ARRB1: variants seen among roughly 807,000 people sequenced by gnomAD.
ARRB1 encodes arrestin beta 1, also known as beta-arrestin-1.
In ARRB1, 21 loss-of-function variants were observed where a neutral mutation model predicts 56.8. That is an observed-to-expected ratio of 0.37 (90% CI 0.26 to 0.53). The LOEUF is 0.53. ARRB1 is among the 20% of genes least tolerant of loss of function. The pLI is 0.88. For missense variants in ARRB1, 424 were observed against 553.7 expected, an observed-to-expected ratio of 0.77 and a Z score of 2.35; for synonymous variants, 210 against 218.6, an observed-to-expected ratio of 0.96 and a Z score of 0.35.
At chr11:75,277,911 G>T (rs1591904807) in intron 8 of ARRB1, among the ~76,000 whole-genome samples, 1 of 152,218 alleles carries the variant, frequency 6.6e-6, no homozygotes, top group Non-Finnish European at 1.5e-5. Context: ...AAGCCTCAGG[G>T]TCTCCCTCTG....
chr11:75,347,786 A>T (rs1019406832), intron 1 of ARRB1, among the ~76,000 whole-genome samples: 1 of 152,194 alleles, frequency 6.6e-6, no homozygotes, highest in Non-Finnish European at 1.5e-5. Context: ...ATTCATTGAG[A>T]TTATGCGTGT....
At chr11:75,322,056 A>G (rs1055367264) in intron 1 of ARRB1, among the ~76,000 whole-genome samples, 7 of 152,244 alleles carry the variant, frequency 4.6e-5, no homozygotes, top group African/African-American at 1.7e-4. Flanking sequence ...CTCTCACAAT[A>G]AATGCTATAA....
At chr11:75,277,937 G>A (rs1946236831) in intron 8 of ARRB1, among the ~76,000 whole-genome samples, 2 of 152,228 alleles carry the variant, frequency 1.3e-5, no homozygotes, top group Non-Finnish European at 2.9e-5. Flanking sequence ...CGAAGGGGTT[G>A]GACTAGGTGA....
At chr11:75,275,069 C>T (rs553054919) in intron 10 of ARRB1, 8 of 151,916 alleles carry the variant, frequency 5.3e-5, no homozygotes, top group Non-Finnish European at 1.2e-4. Flanking sequence ...CATACCACTG[C>T]ACTCCAGCCT....
At chr11:75,343,344 G>C (rs1947718370) in intron 1 of ARRB1, among the ~76,000 whole-genome samples, 1 of 152,152 alleles carries the variant, frequency 6.6e-6, no homozygotes, top group Non-Finnish European at 1.5e-5. Context: ...TCAGCAATCA[G>C]GTACTGAAAG....
chr11:75,343,761 GC>G (rs1275547709), intron 1 of ARRB1, among the ~76,000 whole-genome samples: 1 of 151,998 alleles, frequency 6.6e-6, no homozygotes, highest in African/African-American at 2.4e-5. Flanking sequence ...CCCAGAGGAG[GC>G]CCCAGAGCAG....
At chr11:75,322,499 C>T (rs1413647023) in intron 1 of ARRB1, among the ~76,000 whole-genome samples, 1 of 152,086 alleles carries the variant, frequency 6.6e-6, no homozygotes, top group Non-Finnish European at 1.5e-5. Flanking sequence ...GAGCAAGACT[C>T]CATCTCAAAA....
chr11:75,288,860 T>C (rs993535842), intron 2 of ARRB1, among the ~76,000 whole-genome samples: 3 of 152,182 alleles, frequency 2.0e-5, no homozygotes, highest in African/African-American at 7.2e-5. Flanking sequence ...CCCAAAGTGC[T>C]GGGATTATAG....
intron 1 of ARRB1, among the ~76,000 whole-genome samples, chr11:75,291,985 A>AT (rs1466835870): frequency 6.6e-6 from 1 of 152,138 alleles, no homozygotes; most frequent in Non-Finnish European, 1.5e-5. Context: ...TCTGCGCTGC[A>AT]TTGATGGCCC....
chr11:75,336,385 C>T lies in ARRB1; in HGVS notation c.20+15203G>A, dbSNP rs188176869. On this transcript the variant is annotated intron_variant, in intron 1 of 15. Coordinates refer to ENST00000420843, the MANE Select transcript of ARRB1 (RefSeq NM_004041.5). ...TGCAGATGGCCCCACCCCTACCTCC[C>T]ACTGTCCACATGCTAGGCCTTCCAG... Among the ~76,000 whole-genome samples the T allele has an allele frequency of 3.6e-3, 550 of 152,252 alleles. 1 individual carries two copies. The highest frequency in any genetic ancestry group is 4.3e-3 in the Non-Finnish European group (292 of 68,020).
In ARRB1 at chr11:75,282,035, G is replaced by T; in HGVS notation, c.355-14C>A. 1 of 1,613,942 alleles carries T rather than the reference G, an allele frequency of 6.2e-7. No individual in the cohort carries two copies. The highest frequency in any genetic ancestry group is 8.5e-7 in the Non-Finnish European group (1 of 1,179,902). ...GTTTGGAGGGATCTGTCAAGAAGAG[G>T]ACAGAACGAGCCACCTGTCACATCC... On this transcript the variant is annotated splice_polypyrimidine_tract_variant and intron_variant, in intron 5 of 15. Coordinates refer to ENST00000420843, the MANE Select transcript of ARRB1 (RefSeq NM_004041.5).
chr11:75,343,972 C>G (rs919394200), intron 1 of ARRB1, among the ~76,000 whole-genome samples: 1 of 152,106 alleles, frequency 6.6e-6, no homozygotes, highest in East Asian at 1.9e-4. Flanking sequence ...CCCGCCACCA[C>G]GCCCAGCTAA....
intron 1 of ARRB1, among the ~76,000 whole-genome samples, chr11:75,332,056 G>A (rs1017744202): frequency 6.7e-6 from 1 of 150,000 alleles, no homozygotes; most frequent in Non-Finnish European, 1.5e-5. Flanking sequence ...GCCCCTACCC[G>A]CAAGAGAACA....
intron 15 of ARRB1, among the ~76,000 whole-genome samples, chr11:75,266,497 G>A (rs999834509): frequency 7.2e-5 from 11 of 152,166 alleles, no homozygotes; most frequent in Non-Finnish European, 1.6e-4. Context: ...ATCAGGACTC[G>A]GGCCAGTCAT....
At chr11:75,332,818 C>A (rs1947542281) in intron 1 of ARRB1, among the ~76,000 whole-genome samples, 2 of 152,070 alleles carry the variant, frequency 1.3e-5, no homozygotes, top group Non-Finnish European at 2.9e-5. Context: ...TCACTTGAAC[C>A]CGGGAGGCGG....
intron 13 of ARRB1, chr11:75,269,185 T>C (rs747613019): frequency 1.4e-6 from 1 of 736,450 alleles, no homozygotes; most frequent in Non-Finnish European, 2.5e-6. Context: ...GCCTCCTCTT[T>C]CCTGAGAAGG....
intron 1 of ARRB1, among the ~76,000 whole-genome samples, chr11:75,301,974 T>C (rs1462528700): frequency 6.6e-6 from 1 of 152,086 alleles, no homozygotes. Flanking sequence ...CTGCTTCATT[T>C]CCCAGAGGGA....
At chr11:75,304,353 A>T (rs1169321437) in intron 1 of ARRB1, among the ~76,000 whole-genome samples, 1 of 152,086 alleles carries the variant, frequency 6.6e-6, no homozygotes, top group Admixed American at 6.6e-5. Flanking sequence ...GTAAGCCGAG[A>T]GGGTTCTCTG....
intron 3 of ARRB1, among the ~76,000 whole-genome samples, chr11:75,285,509 G>T (rs1195933801): frequency 6.6e-6 from 1 of 152,228 alleles, no homozygotes; most frequent in South Asian, 2.1e-4. Context: ...GGAGGGCCAG[G>T]ATGGATCATC....
Sources: gnomAD v4.1 joint callset for allele counts (sites outside exome capture counted in the v4.1 genomes callset) on GRCh38, gnomAD v4.1.1 for gene constraint, MANE v1.5 for transcripts, NCBI Gene and HGNC (gene_info 2026-07-23, HGNC 2026-07-21) for gene names.